Variants in PTPRD observed in about 807,000 individuals in gnomAD.
The protein encoded by PTPRD is protein tyrosine phosphatase receptor type D.
Under a neutral mutation model 214.5 loss-of-function variants are expected in PTPRD, and 34 were observed. That is an observed-to-expected ratio of 0.16 (90% CI 0.12 to 0.21). The LOEUF is 0.21. Ranked by LOEUF, PTPRD falls within the 10% of genes least tolerant of loss-of-function variation. The pLI is 1.00. For missense variants in PTPRD, 2,545 were observed against 2,398.7 expected (o/e 1.06, Z -1.27); for synonymous variants, 1,128 against 845.7 (o/e 1.33, Z -5.79).
chr9:9,093,690 AC>A (rs989295922), intron 10 of PTPRD, among the ~76,000 whole-genome samples: 3 of 151,786 alleles, frequency 2.0e-5, no homozygotes, highest in Admixed American at 1.3e-4. Context: ...ATGTAGCTAA[AC>A]AGGCATATAG....
At chr9:9,389,452 G>T (rs1169367001) in intron 9 of PTPRD, among the ~76,000 whole-genome samples, 6 of 152,290 alleles carry the variant, frequency 3.9e-5, no homozygotes, top group Admixed American at 3.3e-4. Context: ...AGAGGTTGTG[G>T]TGAGCTGAGA....
intron 2 of PTPRD, among the ~76,000 whole-genome samples, chr9:10,416,897 C>G (rs1455840973): frequency 6.6e-6 from 1 of 151,724 alleles, no homozygotes; most frequent in Non-Finnish European, 1.5e-5. Context: ...TCTAAGAGTC[C>G]TGGAAAATAA....
At chr9:9,501,451 T>C (rs533660349) in intron 8 of PTPRD, among the ~76,000 whole-genome samples, 1 of 151,912 alleles carries the variant, frequency 6.6e-6, no homozygotes, top group African/African-American at 2.4e-5. Flanking sequence ...ATGCACCTAA[T>C]AACAGAGTTT....
At chr9:9,557,092 A>T (rs569136076) in intron 8 of PTPRD, among the ~76,000 whole-genome samples, 114 of 152,356 alleles carry the variant, frequency 7.5e-4, no homozygotes, top group African/African-American at 2.6e-3. Context: ...GTATCCTTTC[A>T]GCAAATTGTC....
At chr9:9,539,519 C>A (rs1322500509) in intron 8 of PTPRD, among the ~76,000 whole-genome samples, 3 of 151,834 alleles carry the variant, frequency 2.0e-5, no homozygotes, top group Non-Finnish European at 4.4e-5. Context: ...TTCTTAGAGT[C>A]CTAGTTAGGC....
chr9:10,244,574 T>A (rs147073527), intron 3 of PTPRD, among the ~76,000 whole-genome samples: 1 of 132,578 alleles, frequency 7.5e-6, no homozygotes, highest in East Asian at 2.5e-4. Context: ...AGGAAAAAAA[T>A]TCCTCTTGAA....
At chr9:9,135,369 T>G (rs1053104849) in intron 10 of PTPRD, among the ~76,000 whole-genome samples, 1 of 152,222 alleles carries the variant, frequency 6.6e-6, no homozygotes, top group Non-Finnish European at 1.5e-5. Context: ...TCCCTAGTTC[T>G]GGATTGAATT....
At chr9:9,538,407 A>G (rs1363242167) in intron 8 of PTPRD, among the ~76,000 whole-genome samples, 1 of 151,996 alleles carries the variant, frequency 6.6e-6, no homozygotes, top group Non-Finnish European at 1.5e-5. Flanking sequence ...ATATGTATAT[A>G]TTTAGTAGAG....
At chr9:9,706,270 T>C (rs962064857) in intron 7 of PTPRD, among the ~76,000 whole-genome samples, 4 of 152,090 alleles carry the variant, frequency 2.6e-5, no homozygotes, top group Non-Finnish European at 5.9e-5. Context: ...ATTAAAAAAT[T>C]CTCCTAAACA....
chr9:8,543,987 G>T (rs898571724), intron 14 of PTPRD, among the ~76,000 whole-genome samples: 3 of 151,986 alleles, frequency 2.0e-5, no homozygotes, highest in African/African-American at 7.3e-5. Flanking sequence ...TGAGGTTACA[G>T]GCATGAGCCA....
chr9:8,991,085 G>A (rs192382549), intron 11 of PTPRD, among the ~76,000 whole-genome samples: 175 of 151,912 alleles, frequency 1.2e-3, no homozygotes, highest in African/African-American at 4.1e-3. Flanking sequence ...CAGGCATGTT[G>A]GTGCATGCCT....
chr9:8,598,376 G>T (rs966570044), intron 14 of PTPRD, among the ~76,000 whole-genome samples: 1 of 152,016 alleles, frequency 6.6e-6, no homozygotes, highest in African/African-American at 2.4e-5. Context: ...CAGGAGAATT[G>T]CTTAAACCCA....
At chr9:9,009,104 A>G (rs2099496453) in intron 11 of PTPRD, among the ~76,000 whole-genome samples, 1 of 151,872 alleles carries the variant, frequency 6.6e-6, no homozygotes, top group African/African-American at 2.4e-5. Flanking sequence ...AACTTGCTCT[A>G]AAAGTACAAA....
intron 6 of PTPRD, among the ~76,000 whole-genome samples, chr9:9,755,557 G>A (rs991578073): frequency 2.0e-5 from 3 of 152,022 alleles, no homozygotes; most frequent in Admixed American, 2.0e-4. Flanking sequence ...TGTGCTTCCA[G>A]CAACTATGAA....
intron 2 of PTPRD, among the ~76,000 whole-genome samples, chr9:10,447,085 C>T (rs74445718): frequency 1.3e-5 from 2 of 152,216 alleles, no homozygotes; most frequent in African/African-American, 4.8e-5. Context: ...AAACTTTTGC[C>T]AACTTTCATC....
chr9:10,479,362 A>C (rs1242180913), intron 2 of PTPRD, among the ~76,000 whole-genome samples: 1 of 152,092 alleles, frequency 6.6e-6, no homozygotes, highest in African/African-American at 2.4e-5. Context: ...GGAAAAAAAC[A>C]AAGGGAGATG....
intron 5 of PTPRD, among the ~76,000 whole-genome samples, chr9:9,937,215 T>G (rs1261902774): frequency 6.6e-6 from 1 of 151,352 alleles, no homozygotes; most frequent in African/African-American, 2.4e-5. Flanking sequence ...CCCTAAAACT[T>G]AAAGTAAAAT....
chr9:9,249,865 C>T (rs562039057), intron 9 of PTPRD, among the ~76,000 whole-genome samples: 17 of 152,090 alleles, frequency 1.1e-4, no homozygotes, highest in African/African-American at 3.6e-4. Context: ...TTTCAGACTT[C>T]AGTGGTTTCA....
At chr9:9,492,274 CT>C (rs1315128005) in intron 8 of PTPRD, among the ~76,000 whole-genome samples, 2 of 148,322 alleles carry the variant, frequency 1.3e-5, no homozygotes, top group Non-Finnish European at 3.0e-5. Context: ...CATATATCTT[CT>C]ATATATAAAA....
Sources: gnomAD v4.1 joint callset for allele counts (sites outside exome capture counted in the v4.1 genomes callset) on GRCh38, gnomAD v4.1.1 for gene constraint, MANE v1.5 for transcripts, NCBI Gene and HGNC (gene_info 2026-07-23, HGNC 2026-07-21) for gene names.